The following CATSPER1 variants were observed in gnomAD, a reference collection of about 807,000 sequenced individuals.
CATSPER1 encodes the protein cation channel sperm-associated protein 1.
A neutral mutation model predicts 72.7 loss-of-function variants in CATSPER1; 57 were observed. The ratio of observed to expected loss-of-function variants is 0.78; its 90% confidence interval spans 0.63 to 0.98. The LOEUF (loss-of-function observed/expected upper bound fraction) is 0.98, where lower values mean the gene tolerates loss of function less well. Ranked by LOEUF, CATSPER1 falls within the 50% of genes least tolerant of loss-of-function variation. CATSPER1 has a pLI of 0.00. For synonymous variants in CATSPER1, 363 were observed against 403.0 expected, an observed-to-expected ratio of 0.90 and a Z score of 1.19; for missense variants, 910 against 1,033.9, an observed-to-expected ratio of 0.88 and a Z score of 1.64.
At chr11:66,019,625 C>T (rs1263942173) in intron 9 of CATSPER1, among the ~76,000 whole-genome samples, 1 of 151,992 alleles carries the variant, frequency 6.6e-6, no homozygotes, top group African/African-American at 2.4e-5. Flanking sequence ...TGTTGTGGCT[C>T]ACACCTGCAA....
At chr11:66,025,080 G>T (rs189809046) in intron 1 of CATSPER1, 84 bp downstream of exon 1, 8 of 1,568,296 alleles carry the variant, frequency 5.1e-6, no homozygotes, top group African/African-American at 2.7e-5. Context: ...TACGATCTGC[G>T]GAAGGACAGT....
intron 10 of CATSPER1, 56 bp from the exon 11 acceptor site, chr11:66,017,230 G>C (rs748414808): frequency 7.3e-7 from 1 of 1,369,492 alleles, no homozygotes; most frequent in African/African-American, 1.4e-5. Flanking sequence ...TGCTGGCTGG[G>C]CCTACTGCAC....
intron 10 of CATSPER1, among the ~76,000 whole-genome samples, chr11:66,017,830 A>G (rs1389593869): frequency 1.3e-5 from 2 of 152,236 alleles, no homozygotes; most frequent in Non-Finnish European, 2.9e-5. Flanking sequence ...TGAGGGGCCC[A>G]GAGGAGGGAA....
At chr11:66,023,122 C>T (rs1419738950) in intron 1 of CATSPER1, 61 bp from the exon 2 acceptor site, 45 of 1,460,520 alleles carry the variant, frequency 3.1e-5, no homozygotes, top group Middle Eastern at 2.0e-4. Context: ...GTCCCAGGCA[C>T]CCCCCAGCCT....
Position 66,025,656 on chromosome 11 carries a change from G to T in CATSPER1, c.724C>A (p.His242Asn), listed in dbSNP as rs200806107. ...HEAHQHGKSP[H>N]HGETISPHSS... ...TGAGGGGAAATGGTCTCTCCGTGAT[G>T]AGGAGACTTTCCATGCTGGTGGGCT... is the stretch of plus-strand genomic sequence containing the variant. Residue 242 changes from histidine to asparagine, a missense_variant, in exon 1 of 12, where the codon CAT becomes AAT. Transcript: ENST00000312106. 9.7e-5 allele frequency: 157 copies of T among 1,613,542 alleles called. No individual in the cohort carries two copies. Among genetic ancestry groups the T allele is most frequent in the Non-Finnish European group, 1.1e-4 (131 of 1,179,676 alleles).
At position 66,021,536 on chromosome 11, in the gene CATSPER1, G is replaced by A. The variant is rs1783562; in HGVS notation, c.1651C>T (p.Leu551=). Residue 551 remains leucine (L), a synonymous_variant, in exon 4 of 12, where the codon CTG becomes TTG. Coordinates refer to ENST00000312106, the MANE Select transcript of CATSPER1 (RefSeq NM_053054.4). ...LFRILKVFKS[L]RALRAIRVLR... is the part of the protein sequence containing the mutation. ...ACCCGGATTGCCCTCAGGGCCCGCA[G>A]GCTCTTGAAGACCTTGAGGATCCGG... 2.6e-3 allele frequency: 4,141 copies of A among 1,613,934 alleles called. 75 individuals carry two copies. The African/African-American group carries it at 0.048, about 19-fold the overall frequency.
rs1856245220 is a variant in CATSPER1 at position 66,016,786 on chromosome 11, G to A, written c.*104C>T. The A allele has an allele frequency of 1.5e-6, 2 of 1,378,104 alleles. No homozygotes were observed. Among genetic ancestry groups the A allele is most frequent in the Non-Finnish European group, 2.0e-6 (2 of 1,002,784 alleles). The allele number at this position is 1,378,104 out of a possible 1,614,324, so 85.4% of individuals were successfully genotyped here. ...AAAACTCTGTTGGGGCCCCTGCTCT[G>A]CAGGGCCCGGACAATCATTCCAGCA... On this transcript the variant is annotated 3_prime_UTR_variant, in exon 12 of 12. Coordinates refer to ENST00000312106, the MANE Select transcript of CATSPER1 (RefSeq NM_053054.4).
intron 10 of CATSPER1, 114 bp from the exon 11 acceptor site, chr11:66,017,288 T>C (rs1856258981): frequency 1.4e-6 from 1 of 692,982 alleles, no homozygotes; most frequent in Non-Finnish European, 2.5e-6. Flanking sequence ...CCCCACAAAA[T>C]TTATATGACT....
rs779212524 is a variant in CATSPER1 at position 66,023,015 on chromosome 11, G to C, written c.1263C>G (p.Leu421=). The C allele has an allele frequency of 1.2e-6, 2 of 1,614,248 alleles. No homozygotes were observed. Among genetic ancestry groups the C allele is most frequent in the Non-Finnish European group, 1.7e-6 (2 of 1,180,048 alleles). ...RTRKKGHSTN[L]FQWLWEKLTF... ...TTAGCTTTTCCCACAGCCACTGGAA[G>C]AGATTGGTAGAGTGTCCCTTCTTGC... The change falls in exon 2 of 12, where the codon CTC becomes CTG. Residue 421 remains leucine, a synonymous_variant. Transcript: ENST00000312106.
At chr11:66,022,747 T>C in intron 2 of CATSPER1, 102 bp downstream of exon 2, 3 of 1,084,932 alleles carry the variant, frequency 2.8e-6, no homozygotes, top group Non-Finnish European at 4.2e-6. Context: ...GAGGATCAAG[T>C]GAGCTGAGTC....
In CATSPER1 at chr11:66,020,133, C is replaced by A; in HGVS notation, c.2125+7G>T. ...GCAGGTGGGGCCAGGGCGGGCCAGG[C>A]CCATACCTGCAGCTCTGAGCTCCGT... On this transcript the variant is annotated splice_region_variant and intron_variant, in intron 9 of 11. Coordinates refer to ENST00000312106, the MANE Select transcript of CATSPER1 (RefSeq NM_053054.4). The surrounding 1 kb of genome is among the most constrained non-coding windows in gnomAD (Gnocchi z 4.5). The A allele has an allele frequency of 6.2e-7, 1 of 1,613,014 alleles. No homozygotes were observed. Among genetic ancestry groups the A allele is most frequent in the Middle Eastern group, 1.7e-4 (1 of 6,050 alleles).
At chr11:66,025,098 C>G in intron 1 of CATSPER1, 66 bp downstream of exon 1, 1 of 1,604,484 alleles carries the variant, frequency 6.2e-7, no homozygotes, top group South Asian at 1.1e-5. Flanking sequence ...AGTGCGGGGC[C>G]GAGATCAGGT....
intron 2 of CATSPER1, among the ~76,000 whole-genome samples, 154 bp downstream of exon 2, chr11:66,022,695 A>G (rs1436780176): frequency 6.6e-6 from 1 of 152,190 alleles, no homozygotes; most frequent in Non-Finnish European, 1.5e-5. Context: ...TCTTTCTGAG[A>G]CGCTCTCTAA....
intron 4 of CATSPER1, 152 bp from the exon 5 acceptor site, chr11:66,021,337 C>T (rs1278028949): frequency 1.7e-6 from 2 of 1,206,288 alleles, no homozygotes; most frequent in Admixed American, 4.4e-5. Context: ...AATGAAGGGG[C>T]TGATTCCAGT....
intron 10 of CATSPER1, among the ~76,000 whole-genome samples, chr11:66,017,379 CTTTG>C (rs984650305): frequency 1.2e-4 from 18 of 152,280 alleles, no homozygotes; most frequent in African/African-American, 2.6e-4. Context: ...AGGCTTCTGG[CTTTG>C]TTTATCTTCC....
chr11:66,017,770 G>T (rs925454068), intron 10 of CATSPER1, among the ~76,000 whole-genome samples: 1 of 152,204 alleles, frequency 6.6e-6, no homozygotes, highest in African/African-American at 2.4e-5. Flanking sequence ...GAGACAGCTT[G>T]CCCTCAGAGC....
rs545569961 is a variant in CATSPER1 at position 66,020,678 on chromosome 11, A to G, written c.1928-51T>C. 1.3e-6 allele frequency: 2 copies of G among 1,597,748 alleles called. No individual in the cohort carries two copies. Among genetic ancestry groups the G allele is most frequent in the African/African-American group, 1.3e-5 (1 of 74,774 alleles). On this transcript the variant is annotated intron_variant, in intron 6 of 11. Transcript: ENST00000312106. This position sits in a 1 kb window ranked among gnomAD's most constrained non-coding sequence, Gnocchi z 4.5. The stretch of plus-strand genomic sequence containing the variant: ...AGTCAGGCTGTGCTCGCCACCCCCA[A>G]CCACGACCTGCTCCCTTCCCATACC...
chr11:66,018,899 GGCTCTGGATGTAGA>G lies in CATSPER1; in HGVS notation c.2126-11_2128del. On this transcript the variant is annotated splice_acceptor_variant and splice_polypyrimidine_tract_variant and coding_sequence_variant and intron_variant, in exon 10 of 12. Coordinates refer to ENST00000312106, the MANE Select transcript of CATSPER1 (RefSeq NM_053054.4). LOFTEE classifies it high-confidence loss of function. ...GGTGCCTTCACTCGCCACCTCTTTG[GGCTCTGGATGTAGA>G]GAAAGAAGGGTGAGGTCAAGGCCTG... is the stretch of plus-strand genomic sequence containing the variant. The G allele has an allele frequency of 6.2e-7, 1 of 1,613,590 alleles. No individual in the cohort carries two copies.
intron 10 of CATSPER1, among the ~76,000 whole-genome samples, chr11:66,017,699 A>G (rs1271222810): frequency 6.6e-6 from 1 of 152,086 alleles, no homozygotes; most frequent in Non-Finnish European, 1.5e-5. Flanking sequence ...CAACCCATTC[A>G]TCAAAGAACA....
Sources: allele counts gnomAD v4.1 joint callset (sites outside exome capture counted in the v4.1 genomes callset), GRCh38; gene constraint gnomAD v4.1.1; non-coding constraint Gnocchi (gnomAD v3.1); transcripts MANE v1.5; gene names NCBI Gene and HGNC (gene_info 2026-07-23, HGNC 2026-07-21).